The following DMD variants were observed in gnomAD, a reference collection of about 807,000 sequenced individuals.
The protein encoded by DMD is dystrophin.
In DMD, 63 loss-of-function variants were observed where a neutral mutation model predicts 330.1. That is an observed-to-expected ratio of 0.19 (90% confidence interval 0.16 to 0.24). The LOEUF (loss-of-function observed/expected upper bound fraction) is 0.24, where lower values mean the gene tolerates loss of function less well. DMD is among the 10% of genes least tolerant of loss of function. The pLI, the probability that DMD is intolerant of heterozygous loss-of-function variation, is 1.00. For missense variants in DMD, 3,344 were observed against 2,684.1 expected, an observed-to-expected ratio of 1.25 and a Z score of -5.43; for synonymous variants, 1,223 against 959.8, an observed-to-expected ratio of 1.27 and a Z score of -5.07.
intron 41 of DMD, among the ~76,000 whole-genome samples, chrX:32,314,942 A>T (rs1369314155): frequency 9.0e-6 from 1 of 111,714 alleles, no homozygotes; most frequent in African/African-American, 3.3e-5. Flanking sequence ...TGTTGGTGGG[A>T]GTGTAAATTA....
intron 1 of DMD, among the ~76,000 whole-genome samples, chrX:33,219,305 A>AG (rs2052117445): frequency 2.3e-3 from 59 of 25,882 alleles, no homozygotes; most frequent in Non-Finnish European, 6.5e-3. Flanking sequence ...TTTAGAGATT[A>AG]TTGTGTGTGT....
rs1160557763 is a variant in DMD, at chrX:31,407,902, T to G, written c.9084+36579A>C. ...CTCCTGTTCTCTCTCTTGACTTTAT[T>G]TTTTATACACACAACATTTAACCAG... On this transcript the variant is annotated intron_variant, in intron 60 of 78. Transcript: ENST00000357033. Among the ~76,000 whole-genome samples, 3 of 111,740 alleles carry G rather than the reference T, an allele frequency of 2.7e-5. No homozygotes were observed. In the East Asian group the frequency reaches 8.3e-4, roughly 31 times the overall value.
intron 7 of DMD, among the ~76,000 whole-genome samples, chrX:32,738,021 G>T (rs2148140392): frequency 9.0e-6 from 1 of 111,551 alleles, no homozygotes; most frequent in African/African-American, 3.2e-5. Flanking sequence ...TATAAATTGG[G>T]TCTATAGAAG....
At chrX:32,387,611 T>C (rs2097968408) in intron 32 of DMD, among the ~76,000 whole-genome samples, 1 of 111,428 alleles carries the variant, frequency 9.0e-6, no homozygotes, top group Non-Finnish European at 1.9e-5. Context: ...TATATTTCCA[T>C]ATTAATCCTC....
intron 2 of DMD, among the ~76,000 whole-genome samples, chrX:32,870,168 G>A (rs1165277214): frequency 8.9e-6 from 1 of 111,751 alleles, no homozygotes; most frequent in African/African-American, 3.3e-5. Context: ...GCCAAATCAT[G>A]TATGAACTCC....
At chrX:32,132,893 G>C (rs1439173132) in intron 44 of DMD, among the ~76,000 whole-genome samples, 3 of 109,963 alleles carry the variant, frequency 2.7e-5, no homozygotes, top group Non-Finnish European at 5.7e-5. Context: ...TATAGTAAAA[G>C]GAGACCCAAA....
At chrX:32,702,762 A>G (rs1429186170) in intron 7 of DMD, among the ~76,000 whole-genome samples, 1 of 111,505 alleles carries the variant, frequency 9.0e-6, no homozygotes, top group Non-Finnish European at 1.9e-5. Context: ...TCAATGAATG[A>G]CAAAAATTCT....
At chrX:31,932,277 A>AG in intron 45 of DMD, 50 bp from the exon 46 acceptor site, 3 of 1,022,220 alleles carry the variant, frequency 2.9e-6, no homozygotes, top group Non-Finnish European at 4.1e-6. Flanking sequence ...CATAGTTCTC[A>AG]AACTATTTGT....
At chrX:32,363,485 C>T (rs2097844341) in intron 36 of DMD, among the ~76,000 whole-genome samples, 1 of 111,909 alleles carries the variant, frequency 8.9e-6, no homozygotes. Flanking sequence ...TTTTCTGTCA[C>T]ATACAGAGGT....
At chrX:32,489,508 G>A (rs1382437023) in intron 20 of DMD, among the ~76,000 whole-genome samples, 1 of 111,188 alleles carries the variant, frequency 9.0e-6, no homozygotes, top group Non-Finnish European at 1.9e-5. Context: ...CTGCAAGCCA[G>A]GAAGACAGCC....
chrX:32,757,269 A>G (rs999183106), intron 7 of DMD, among the ~76,000 whole-genome samples: 1 of 111,214 alleles, frequency 9.0e-6, no homozygotes, highest in African/African-American at 3.3e-5. Context: ...GTTCTCTTGA[A>G]TTTCCCTCTC....
chrX:31,567,922 G>A (rs2075558413), intron 55 of DMD, among the ~76,000 whole-genome samples: 1 of 111,157 alleles, frequency 9.0e-6, no homozygotes, highest in African/African-American at 3.3e-5. Context: ...AAAATAGACA[G>A]TAGATATGCT....
chrX:31,978,293 T>G (rs944006453), intron 44 of DMD, among the ~76,000 whole-genome samples: 1 of 111,367 alleles, frequency 9.0e-6, no homozygotes, highest in Non-Finnish European at 1.9e-5. Flanking sequence ...TTTGTCCCTT[T>G]TTTTTTCATT....
intron 52 of DMD, among the ~76,000 whole-genome samples, chrX:31,729,424 T>C (rs2086328659): frequency 2.7e-5 from 3 of 112,537 alleles, no homozygotes; most frequent in South Asian, 7.3e-4. Context: ...CCTGAATTGA[T>C]TTAAAAATGT....
At chrX:32,725,648 T>C (rs1368029374) in intron 7 of DMD, among the ~76,000 whole-genome samples, 1 of 110,976 alleles carries the variant, frequency 9.0e-6, no homozygotes, top group Non-Finnish European at 1.9e-5. Flanking sequence ...GCAAATATTA[T>C]TAGAGCTAAA....
At chrX:31,299,603 C>T (rs2054475411) in intron 62 of DMD, among the ~76,000 whole-genome samples, 1 of 109,732 alleles carries the variant, frequency 9.1e-6, no homozygotes, top group Admixed American at 9.7e-5. Flanking sequence ...TGGTGAAACC[C>T]TGTCTCTACT....
At chrX:32,062,943 C>T (rs2096237144) in intron 44 of DMD, among the ~76,000 whole-genome samples, 1 of 110,564 alleles carries the variant, frequency 9.0e-6, no homozygotes, top group Non-Finnish European at 1.9e-5. Context: ...AATTTCAGAT[C>T]TGCTGTTTCA....
chrX:31,243,090 A>G (rs1037095362), intron 63 of DMD, among the ~76,000 whole-genome samples: 2 of 111,602 alleles, frequency 1.8e-5, no homozygotes, highest in African/African-American at 6.5e-5. Context: ...AAAGGTTTTG[A>G]ACATTCTAAG....
intron 2 of DMD, among the ~76,000 whole-genome samples, chrX:32,921,057 T>C (rs2088348223): frequency 8.9e-6 from 1 of 112,271 alleles, no homozygotes; most frequent in Non-Finnish European, 1.9e-5. Flanking sequence ...CATTACTGTT[T>C]GGAACTTCTC....
Sources: allele counts gnomAD v4.1 joint callset (sites outside exome capture counted in the v4.1 genomes callset), GRCh38; gene constraint gnomAD v4.1.1; transcripts MANE v1.5; gene names NCBI Gene and HGNC (gene_info 2026-07-23, HGNC 2026-07-21).